Variants in BLOC1S5 observed in about 807,000 individuals in gnomAD.
The protein encoded by BLOC1S5 is biogenesis of lysosome-related organelles complex 1 subunit 5.
In BLOC1S5, 27 loss-of-function variants were observed where a neutral mutation model predicts 24.3. That is an observed-to-expected ratio of 1.11 (90% CI 0.82 to 1.53). BLOC1S5 has a LOEUF of 1.53. Among genes scored for constraint, BLOC1S5 ranks in the 40% most tolerant of loss-of-function variants. The pLI is 0.00. For missense variants in BLOC1S5, 239 were observed against 229.4 expected, an observed-to-expected ratio of 1.04 and a Z score of -0.27; for synonymous variants, 84 against 74.5, an observed-to-expected ratio of 1.13 and a Z score of -0.66.
At chr6:8,057,387 A>G (rs1764352919) in intron 2 of BLOC1S5, among the ~76,000 whole-genome samples, 1 of 152,198 alleles carries the variant, frequency 6.6e-6, no homozygotes, top group African/African-American at 2.4e-5. Flanking sequence ...CACTTATCAC[A>G]CAAGGAAGAA....
chr6:8,064,354 G>A lies in BLOC1S5; in HGVS notation c.23C>T (p.Thr8Ile), dbSNP rs768865037. ...CGGGGCGGCCTCACAACCCACAGGG[G>A]TCTCTGTCCCTCCGCCACTCATCCC... MSGGGTE[T>I]PVGCEAAPGG... is the part of the protein sequence containing the mutation. The change falls in exon 1 of 5, where the codon ACC (threonine) becomes ATC (isoleucine). Residue 8 changes from threonine to isoleucine, a missense_variant. By Grantham distance (89) the Thr-to-Ile change is moderately conservative (BLOSUM62 -1). Transcript: ENST00000397457. The A allele has an allele frequency of 1.2e-5, 19 of 1,611,464 alleles. No homozygotes were observed. Among genetic ancestry groups the A allele is most frequent in the African/African-American group, 4.0e-5 (3 of 74,916 alleles).
chr6:8,028,234 A>G (rs1763173980), intron 3 of BLOC1S5, among the ~76,000 whole-genome samples: 1 of 152,200 alleles, frequency 6.6e-6, no homozygotes, highest in African/African-American at 2.4e-5. Context: ...GGAATATGGT[A>G]AAAGAGAAGA....
At chr6:8,040,533 A>G (rs1462827279) in intron 3 of BLOC1S5, among the ~76,000 whole-genome samples, 1 of 152,232 alleles carries the variant, frequency 6.6e-6, no homozygotes, top group Non-Finnish European at 1.5e-5. Flanking sequence ...GAAAAGTAGC[A>G]GCCAAAAATA....
At chr6:8,056,760 C>G (rs1350172176) in intron 2 of BLOC1S5, among the ~76,000 whole-genome samples, 3 of 152,174 alleles carry the variant, frequency 2.0e-5, no homozygotes, top group Non-Finnish European at 4.4e-5. Context: ...GACATGTTCT[C>G]TATGCATTTT....
At chr6:8,047,158 T>TCA (rs1431175705) in intron 2 of BLOC1S5, among the ~76,000 whole-genome samples, 16 of 58,054 alleles carry the variant, frequency 2.8e-4, no homozygotes, top group South Asian at 6.0e-4. Context: ...TCTCTCTCTC[T>TCA]CTCACACACA....
intron 4 of BLOC1S5, among the ~76,000 whole-genome samples, chr6:8,021,944 A>T (rs1168777845): frequency 7.2e-5 from 11 of 152,200 alleles, no homozygotes. Context: ...TGTATACATT[A>T]AGTTACAACA....
intron 4 of BLOC1S5, among the ~76,000 whole-genome samples, chr6:8,025,985 A>AG (rs571934524): frequency 2.4e-4 from 36 of 152,326 alleles, no homozygotes; most frequent in Middle Eastern, 6.8e-3. Flanking sequence ...TAACCTACAC[A>AG]GGCATGAATG....
intron 3 of BLOC1S5, among the ~76,000 whole-genome samples, chr6:8,034,944 TAC>T (rs1459347757): frequency 6.6e-6 from 1 of 151,298 alleles, no homozygotes; most frequent in African/African-American, 2.5e-5. Context: ...TACATATATA[TAC>T]ACATATGCAT....
chr6:8,047,193 C>CAT (rs1763935861), intron 2 of BLOC1S5, among the ~76,000 whole-genome samples: 1 of 127,018 alleles, frequency 7.9e-6, no homozygotes, highest in African/African-American at 2.8e-5. Context: ...CACACACACA[C>CAT]ACACACAGTC....
chr6:8,027,632 G>A (rs1025843252), intron 3 of BLOC1S5, among the ~76,000 whole-genome samples: 14 of 152,116 alleles, frequency 9.2e-5, no homozygotes, highest in South Asian at 8.3e-4. Context: ...TCAGGAGTTC[G>A]AGACTAGCCT....
intron 3 of BLOC1S5, among the ~76,000 whole-genome samples, chr6:8,030,584 A>C (rs1456528865): frequency 1.3e-5 from 2 of 151,654 alleles, no homozygotes; most frequent in Non-Finnish European, 2.9e-5. Context: ...CAGTGAGCTC[A>C]AGAAAGGCCA....
At chr6:8,046,197 T>C (rs1488628160) in intron 2 of BLOC1S5, among the ~76,000 whole-genome samples, 2 of 152,210 alleles carry the variant, frequency 1.3e-5, no homozygotes, top group East Asian at 1.9e-4. Flanking sequence ...CAGGGGTTTC[T>C]GCTTTTGCTT....
chr6:8,021,167 T>C (rs970882666), intron 4 of BLOC1S5, among the ~76,000 whole-genome samples: 6 of 152,194 alleles, frequency 3.9e-5, no homozygotes, highest in South Asian at 2.1e-4. Context: ...AAATGTTATA[T>C]GAGTCTACTT....
intron 1 of BLOC1S5, among the ~76,000 whole-genome samples, chr6:8,063,303 C>T (rs1011724541): frequency 5.3e-5 from 8 of 152,020 alleles, no homozygotes; most frequent in African/African-American, 1.9e-4. Flanking sequence ...GGTGAATGTT[C>T]ATTGTAAGTC....
In BLOC1S5 at chr6:8,014,193, T is replaced by C. The variant is rs975988609; in HGVS notation, c.*1456A>G. ...GTGAAAGATTTATCCATACCTCAAA[T>C]TTGTTTACCATAAATCTCGAAATTA... On this transcript the variant is annotated 3_prime_UTR_variant, in exon 5 of 5. Coordinates refer to ENST00000397457, the MANE Select transcript of BLOC1S5 (RefSeq NM_201280.3). 11 of 152,206 alleles carry C rather than the reference T, an allele frequency of 7.2e-5. No homozygotes were observed. The highest frequency in any genetic ancestry group is 2.7e-4 in the African/African-American group (11 of 41,460). 9.4% of individuals were successfully genotyped at this position (152,206 alleles called of 1,614,324 possible).
intron 2 of BLOC1S5, among the ~76,000 whole-genome samples, chr6:8,042,548 C>T (rs1050478721): frequency 1.3e-5 from 2 of 152,224 alleles, no homozygotes; most frequent in African/African-American, 4.8e-5. Flanking sequence ...CCACGGCAGA[C>T]GGGCTGCAAG....
At chr6:8,063,107 A>C (rs1205373872) in intron 1 of BLOC1S5, among the ~76,000 whole-genome samples, 1 of 152,164 alleles carries the variant, frequency 6.6e-6, no homozygotes, top group Non-Finnish European at 1.5e-5. Flanking sequence ...AATTTACATA[A>C]AACTTTAAAA....
chr6:8,064,400 G>T (rs1422514109), upstream of BLOC1S5: 27 of 1,591,590 alleles, frequency 1.7e-5, no homozygotes, highest in Admixed American at 4.6e-4. Context: ...GCCCACCCGC[G>T]GCCACGCTGC....
At chr6:8,029,029 A>C (rs1763199698) in intron 3 of BLOC1S5, among the ~76,000 whole-genome samples, 1 of 152,190 alleles carries the variant, frequency 6.6e-6, no homozygotes, top group Non-Finnish European at 1.5e-5. Flanking sequence ...ATTCAAGTAG[A>C]TTTGTGCCGC....
Sources: allele counts gnomAD v4.1 joint callset (sites outside exome capture counted in the v4.1 genomes callset), GRCh38; gene constraint gnomAD v4.1.1; transcripts MANE v1.5; gene names NCBI Gene and HGNC (gene_info 2026-07-23, HGNC 2026-07-21).